Variants in ANKS1B observed in about 807,000 individuals in gnomAD.
ANKS1B encodes ankyrin repeat and sterile alpha motif domain containing 1B.
ANKS1B carries 36 observed loss-of-function variants against 148.3 expected under a neutral mutation model. That is an observed-to-expected ratio of 0.24 (90% CI 0.19 to 0.32). The LOEUF (loss-of-function observed/expected upper bound fraction) is 0.32, where lower values mean the gene tolerates loss of function less well. ANKS1B is among the 10% of genes least tolerant of loss of function. The pLI, the probability that ANKS1B is intolerant of heterozygous loss-of-function variation, is 1.00. For synonymous variants in ANKS1B, 542 were observed against 560.8 expected (o/e 0.97, Z 0.47); for missense variants, 1,157 against 1,542.6 (o/e 0.75, Z 4.19).
chr12:99,269,678 C>T (rs2076827449), intron 12 of ANKS1B, among the ~76,000 whole-genome samples: 1 of 152,158 alleles, frequency 6.6e-6, no homozygotes, highest in Admixed American at 6.5e-5. Flanking sequence ...CCTGCCTCAG[C>T]CTCCAGAGTA....
intron 12 of ANKS1B, among the ~76,000 whole-genome samples, chr12:99,252,726 T>G (rs1188729696): frequency 6.6e-6 from 1 of 152,174 alleles, no homozygotes; most frequent in Non-Finnish European, 1.5e-5. Context: ...CAGTAAAATT[T>G]GAGAACAACT....
chr12:99,957,916 A>G (rs982559994), intron 1 of ANKS1B, among the ~76,000 whole-genome samples: 2 of 152,238 alleles, frequency 1.3e-5, no homozygotes, highest in Non-Finnish European at 2.9e-5. Context: ...AGACATTTGT[A>G]CAGCACTTTC....
At chr12:98,947,596 G>T (rs1019273012) in intron 17 of ANKS1B, among the ~76,000 whole-genome samples, 1 of 152,284 alleles carries the variant, frequency 6.6e-6, no homozygotes, top group African/African-American at 2.4e-5. Flanking sequence ...GGGTTCACAC[G>T]CAAACCAGTA....
At chr12:99,625,167 T>G (rs2153383049) in intron 9 of ANKS1B, among the ~76,000 whole-genome samples, 1 of 152,196 alleles carries the variant, frequency 6.6e-6, no homozygotes. Flanking sequence ...AAATGTCACC[T>G]CTTCTCATAA....
chr12:99,524,057 G>T (rs1400309467), intron 9 of ANKS1B, among the ~76,000 whole-genome samples: 1 of 152,152 alleles, frequency 6.6e-6, no homozygotes, highest in African/African-American at 2.4e-5. Flanking sequence ...CTTTTTTAAA[G>T]TTAGAAATGA....
intron 9 of ANKS1B, among the ~76,000 whole-genome samples, chr12:99,552,554 C>T (rs926786721): frequency 6.6e-6 from 1 of 152,194 alleles, no homozygotes; most frequent in Non-Finnish European, 1.5e-5. Flanking sequence ...CATCCTGCCA[C>T]ATTGCATTAC....
At chr12:98,857,024 AGACATAACCCCTGCACACAATGATTCCT>A (rs140167749) in intron 17 of ANKS1B, among the ~76,000 whole-genome samples, 24,544 of 152,076 alleles carry the variant, frequency 0.16, 2,214 homozygotes, top group Admixed American at 0.22. Context: ...ATGATTCCTA[AGACATAACCCCTGCACACAATGATTCCT>A]GACATAACCC....
intron 10 of ANKS1B, among the ~76,000 whole-genome samples, chr12:99,474,790 A>G (rs966231433): frequency 6.6e-6 from 1 of 152,108 alleles, no homozygotes; most frequent in Non-Finnish European, 1.5e-5. Flanking sequence ...CCAGACTCAA[A>G]TGCCTTCCAT....
chr12:99,192,062 G>T (rs1046766383), intron 14 of ANKS1B, among the ~76,000 whole-genome samples: 1 of 147,258 alleles, frequency 6.8e-6, no homozygotes, highest in Non-Finnish European at 1.5e-5. Flanking sequence ...AATCCGAGAG[G>T]TGGAGGCTGC....
intron 14 of ANKS1B, among the ~76,000 whole-genome samples, chr12:99,219,095 T>C (rs1484648413): frequency 6.6e-6 from 1 of 152,200 alleles, no homozygotes; most frequent in Admixed American, 6.5e-5. Flanking sequence ...ATTAGAGATC[T>C]GGTAGTTCCA....
chr12:99,954,506 A>C (rs1021915559), intron 1 of ANKS1B, among the ~76,000 whole-genome samples: 5 of 152,240 alleles, frequency 3.3e-5, no homozygotes, highest in African/African-American at 1.2e-4. Context: ...GAATTTATTT[A>C]TCTCTACCAA....
intron 19 of ANKS1B, among the ~76,000 whole-genome samples, chr12:98,822,012 G>A (rs1476511260): frequency 6.6e-6 from 1 of 151,750 alleles, no homozygotes; most frequent in Admixed American, 6.6e-5. Context: ...ACACGGAGAG[G>A]GAGGCTCTTT....
At chr12:99,332,953 A>G (rs2152286053) in intron 12 of ANKS1B, among the ~76,000 whole-genome samples, 1 of 152,092 alleles carries the variant, frequency 6.6e-6, no homozygotes, top group South Asian at 2.1e-4. Context: ...AGGGGGCTGT[A>G]TTGTAGCCTA....
intron 14 of ANKS1B, 111 bp downstream of exon 14, chr12:99,244,231 T>C: frequency 1.4e-6 from 1 of 694,340 alleles, no homozygotes; most frequent in Non-Finnish European, 2.4e-6. Flanking sequence ...AGGAAATAAT[T>C]TGTAGTTATT....
chr12:99,809,537 G>A (rs183714036), intron 3 of ANKS1B, among the ~76,000 whole-genome samples: 3 of 151,908 alleles, frequency 2.0e-5, no homozygotes, highest in East Asian at 1.9e-4. Flanking sequence ...ACCATAATCC[G>A]GGTAGAGTCC....
intron 9 of ANKS1B, among the ~76,000 whole-genome samples, chr12:99,608,113 T>G (rs1180655950): frequency 6.6e-6 from 1 of 152,048 alleles, no homozygotes; most frequent in Non-Finnish European, 1.5e-5. Context: ...CATAGTTGGG[T>G]CATACAACAT....
intron 8 of ANKS1B, among the ~76,000 whole-genome samples, chr12:99,715,258 C>T (rs2057159278): frequency 1.3e-5 from 2 of 152,158 alleles, no homozygotes; most frequent in South Asian, 4.1e-4. Flanking sequence ...CCAGTTCCTG[C>T]CTTAACTGAT....
chr12:99,087,270 C>G (rs1322774710), intron 15 of ANKS1B, among the ~76,000 whole-genome samples: 1 of 152,186 alleles, frequency 6.6e-6, no homozygotes. Flanking sequence ...GGATAACTGG[C>G]TGTGCTTAGA....
At chr12:99,178,157 G>A (rs930700367) in intron 14 of ANKS1B, among the ~76,000 whole-genome samples, 1 of 152,138 alleles carries the variant, frequency 6.6e-6, no homozygotes, top group African/African-American at 2.4e-5. Flanking sequence ...ATACTCTTCT[G>A]TAAGATGCTT....
Sources: allele counts gnomAD v4.1 joint callset (sites outside exome capture counted in the v4.1 genomes callset), GRCh38; gene constraint gnomAD v4.1.1; transcripts MANE v1.5; gene names NCBI Gene and HGNC (gene_info 2026-07-23, HGNC 2026-07-21).